RGPD2: variants seen among roughly 807,000 people sequenced by gnomAD.
The protein encoded by RGPD2 is RANBP2-like and GRIP domain-containing protein 2.
Under a neutral mutation model 36.0 loss-of-function variants are expected in RGPD2, and 2 were observed. That is an observed-to-expected ratio of 0.06 (90% confidence interval 0.02 to 0.17). The LOEUF (loss-of-function observed/expected upper bound fraction) is 0.17, where lower values mean the gene tolerates loss of function less well. Ranked by LOEUF, RGPD2 falls within the 10% of genes least tolerant of loss-of-function variation. The pLI, the probability that RGPD2 is intolerant of heterozygous loss-of-function variation, is 1.00. For missense variants in RGPD2, 40 were observed against 464.3 expected (o/e 0.09, Z 8.40); for synonymous variants, 19 against 163.8 (o/e 0.12, Z 6.75).
chr2:87,976,369 G>A, the RGPD2 span, among the ~76,000 whole-genome samples: 3 of 152,086 alleles, frequency 2.0e-5, no homozygotes, highest in Non-Finnish European at 4.4e-5. Flanking sequence ...TCATGAAAAG[G>A]GGAAGAGCAT....
intron 4 of RGPD2, among the ~76,000 whole-genome samples, chr2:87,813,983 C>A (rs1686208653): frequency 6.6e-6 from 1 of 151,684 alleles, no homozygotes; most frequent in African/African-American, 2.4e-5. Flanking sequence ...ACTTGTTACA[C>A]TGCAAGAAAA....
At chr2:87,903,525 C>CAAATAGAGAG in the RGPD2 span, among the ~76,000 whole-genome samples, 2 of 152,240 alleles carry the variant, frequency 1.3e-5, no homozygotes, top group East Asian at 3.9e-4. Context: ...CCAAGATCAA[C>CAAATAGAGAG]AAATAGAGAG....
chr2:87,825,589 GCCGCCCGGCC>G (rs1395894688), intron 1 of RGPD2, 59 bp downstream of exon 1: 2 of 1,211,354 alleles, frequency 1.7e-6, no homozygotes, highest in African/African-American at 5.7e-5. Context: ...GGTCGAGGCC[GCCGCCCGGCC>G]AGGTCGAGGC....
the RGPD2 span, among the ~76,000 whole-genome samples, chr2:87,844,382 T>G: frequency 1.8e-4 from 27 of 151,670 alleles, no homozygotes; most frequent in Admixed American, 2.6e-4. Flanking sequence ...TAAAAGTACC[T>G]TTTCTTATCT....
the RGPD2 span, among the ~76,000 whole-genome samples, chr2:87,971,757 G>C: frequency 6.6e-6 from 1 of 151,978 alleles, no homozygotes; most frequent in Admixed American, 6.6e-5. Context: ...ACAGTTATCT[G>C]AAGTAATAAT....
the RGPD2 span, among the ~76,000 whole-genome samples, chr2:87,921,531 T>G: frequency 6.6e-6 from 1 of 152,206 alleles, no homozygotes; most frequent in East Asian, 1.9e-4. Context: ...TCCTGATACT[T>G]AATCCTTTGT....
chr2:87,858,782 T>C, the RGPD2 span, among the ~76,000 whole-genome samples: 2 of 152,024 alleles, frequency 1.3e-5, no homozygotes, highest in African/African-American at 4.8e-5. Context: ...AATTATTTCA[T>C]TTTATTAATA....
the RGPD2 span, among the ~76,000 whole-genome samples, chr2:87,915,279 T>TAC: frequency 2.1e-5 from 3 of 144,616 alleles, no homozygotes; most frequent in African/African-American, 7.7e-5. Context: ...TGTGTGTATA[T>TAC]ATATATATAT....
the RGPD2 span, among the ~76,000 whole-genome samples, chr2:87,883,108 A>G: frequency 2.0e-5 from 3 of 152,218 alleles, no homozygotes; most frequent in African/African-American, 7.2e-5. Context: ...TATTAAAAAC[A>G]AAGCAACAAT....
chr2:87,966,685 C>T, the RGPD2 span, among the ~76,000 whole-genome samples: 2 of 151,894 alleles, frequency 1.3e-5, no homozygotes, highest in Non-Finnish European at 1.5e-5. Context: ...CGCAGCACTT[C>T]GGAGGCCAAG....
the RGPD2 span, among the ~76,000 whole-genome samples, chr2:87,957,694 GA>G: frequency 6.6e-6 from 1 of 152,230 alleles, no homozygotes; most frequent in East Asian, 1.9e-4. Context: ...TTTTGGGGGG[GA>G]GTCACAACCA....
At chr2:87,894,049 A>C in the RGPD2 span, among the ~76,000 whole-genome samples, 1 of 151,474 alleles carries the variant, frequency 6.6e-6, no homozygotes, top group African/African-American at 2.4e-5. Flanking sequence ...TTCAGATAAG[A>C]CCAGTCTTTC....
chr2:87,897,903 T>C, the RGPD2 span, among the ~76,000 whole-genome samples: 2 of 152,108 alleles, frequency 1.3e-5, no homozygotes, highest in East Asian at 1.9e-4. Context: ...TTGTGATTTA[T>C]GTAATTTTCA....
At chr2:87,844,583 T>G in the RGPD2 span, among the ~76,000 whole-genome samples, 1 of 151,098 alleles carries the variant, frequency 6.6e-6, no homozygotes, top group Non-Finnish European at 1.5e-5. Flanking sequence ...ATAATTTTTA[T>G]GTTTCGAAAT....
At chr2:87,945,308 T>TTCAAA in the RGPD2 span, among the ~76,000 whole-genome samples, 1 of 151,488 alleles carries the variant, frequency 6.6e-6, no homozygotes, top group Non-Finnish European at 1.5e-5. Context: ...ATTTCAAAAT[T>TTCAAA]ATAATGCCAT....
upstream of RGPD2, among the ~76,000 whole-genome samples, chr2:87,829,894 A>G (rs1296845298): frequency 1.3e-4 from 17 of 135,796 alleles, no homozygotes; most frequent in African/African-American, 4.2e-4. Context: ...CAGTCCCCCA[A>G]AATCTTAACT....
At chr2:87,984,091 G>T in the RGPD2 span, among the ~76,000 whole-genome samples, 1 of 130,492 alleles carries the variant, frequency 7.7e-6, no homozygotes, top group Non-Finnish European at 1.6e-5. Context: ...CATGAAATAT[G>T]AATAAAAAAA....
the RGPD2 span, among the ~76,000 whole-genome samples, chr2:87,868,853 T>C: frequency 8.5e-5 from 13 of 152,172 alleles, no homozygotes; most frequent in Non-Finnish European, 1.5e-4. Flanking sequence ...AATGACCCTC[T>C]TTAAATTTTC....
the RGPD2 span, among the ~76,000 whole-genome samples, chr2:87,962,455 A>G: frequency 2.6e-5 from 4 of 152,062 alleles, no homozygotes; most frequent in Non-Finnish European, 5.9e-5. Context: ...TTTTATTTCA[A>G]CCATATTGGA....
Sources: allele counts gnomAD v4.1 joint callset (sites outside exome capture counted in the v4.1 genomes callset), GRCh38; gene constraint gnomAD v4.1.1; transcripts MANE v1.5; gene names NCBI Gene and HGNC (gene_info 2026-07-23, HGNC 2026-07-21).